CFAP65: variants seen among roughly 807,000 people sequenced by gnomAD.
CFAP65 encodes cilia- and flagella-associated protein 65.
Under a neutral mutation model 208.0 loss-of-function variants are expected in CFAP65, and 155 were observed. The observed-to-expected ratio is 0.75, with a 90% CI of 0.65 to 0.85. The LOEUF (loss-of-function observed/expected upper bound fraction) is 0.85, where lower values mean the gene tolerates loss of function less well. Among genes scored for constraint, CFAP65 ranks in the 40% least tolerant of loss-of-function variants. The pLI is 0.00. For synonymous variants in CFAP65, 970 were observed against 986.3 expected (o/e 0.98, Z 0.31); for missense variants, 2,294 against 2,451.3 (o/e 0.94, Z 1.36).
intron 4 of CFAP65, among the ~76,000 whole-genome samples, chr2:219,036,869 G>T (rs956090730): frequency 6.6e-5 from 10 of 152,160 alleles, no homozygotes; most frequent in Non-Finnish European, 2.9e-5. Flanking sequence ...CTAGGTGCTG[G>T]GACTACAATG....
intron 18 of CFAP65, among the ~76,000 whole-genome samples, 160 bp from the exon 19 acceptor site, chr2:219,021,440 C>A (rs1006511186): frequency 6.6e-6 from 1 of 152,140 alleles, no homozygotes. Flanking sequence ...GTCAGAGGGA[C>A]CACACCTAAC....
chr2:219,006,093 G>C lies in CFAP65; in HGVS notation c.4850C>G (p.Thr1617Ser). 1 of 1,613,608 alleles carries C rather than the reference G, an allele frequency of 6.2e-7. No individual in the cohort carries two copies. The highest frequency in any genetic ancestry group is 2.2e-5 in the East Asian group (1 of 44,874). ...PSPGMLCLGL[T>S]ARAHATDYFL... Reference sequence around the variant, plus strand: ...GTAGTCGGTGGCATGGGCTCGGGCAGTAAGGCCCAGGCAGAGCATGCCTGG... The same window carrying C: ...GTAGTCGGTGGCATGGGCTCGGGCACTAAGGCCCAGGCAGAGCATGCCTGG... Residue 1617 changes from threonine (T) to serine (S), a missense_variant, in exon 31 of 35, where the codon ACT (threonine) becomes AGT (serine). Transcript: ENST00000341552.
At chr2:219,039,762 T>A (rs1026765645) in intron 2 of CFAP65, among the ~76,000 whole-genome samples, 1 of 152,216 alleles carries the variant, frequency 6.6e-6, no homozygotes, top group Non-Finnish European at 1.5e-5. Context: ...TGAAATCTGG[T>A]GTGCATTTTA....
At chr2:219,041,349 G>C (rs1015218257) in intron 1 of CFAP65, 139 bp downstream of exon 1, 1 of 793,544 alleles carries the variant, frequency 1.3e-6, no homozygotes, top group African/African-American at 1.7e-5. Context: ...TCAGTCCCAT[G>C]GGGCTCTCTG....
At chr2:219,038,857 A>G in intron 3 of CFAP65, 39 bp downstream of exon 3, 1 of 1,572,382 alleles carries the variant, frequency 6.4e-7, no homozygotes, top group Non-Finnish European at 8.6e-7. Flanking sequence ...GGCACTGCTC[A>G]GCAAGCTCCA....
intron 16 of CFAP65, 31 bp from the exon 17 acceptor site, chr2:219,022,360 C>A (rs1947323406): frequency 1.3e-6 from 2 of 1,569,614 alleles, no homozygotes; most frequent in East Asian, 4.7e-5. Context: ...CCTGCAGTGG[C>A]CTTCGGAAGC....
rs186082513 is a variant in CFAP65, at chr2:219,032,578, G to A, written c.543-6C>T. The A allele has an allele frequency of 1.9e-5, 30 of 1,586,734 alleles. No homozygotes were observed. The African/African-American group carries it at 3.4e-4, about 18-fold the overall frequency. ...AGAACTTGGTCTTGGGGGGCCTGCA[G>A]GAGAGAGCCGGTGGGGAGCACCTCA... On this transcript the variant is annotated splice_region_variant and splice_polypyrimidine_tract_variant and intron_variant, in intron 5 of 34. Coordinates refer to ENST00000341552, the MANE Select transcript of CFAP65 (RefSeq NM_194302.4). The surrounding 1 kb of genome is among the most constrained non-coding windows in gnomAD (Gnocchi z 5.5).
At position 219,031,464 on chromosome 2, in the gene CFAP65, C is replaced by A. The variant is rs780829461; in HGVS notation, c.815+25G>T. The A allele has an allele frequency of 1.2e-6, 2 of 1,614,094 alleles. No individual in the cohort carries two copies. The highest frequency in any genetic ancestry group is 1.7e-6 in the Non-Finnish European group (2 of 1,179,994). On this transcript the variant is annotated intron_variant, in intron 7 of 34. Transcript: ENST00000341552. This position sits in a 1 kb window ranked among gnomAD's most constrained non-coding sequence, Gnocchi z 5.2. ...CCCTCCTCACAGCTCTTGCTCTCCC[C>A]GCCGCACCTCAGCCTCTTCCTCACC...
chr2:219,038,326 G>A (rs752568614), intron 4 of CFAP65, 49 bp downstream of exon 4: 37 of 1,571,016 alleles, frequency 2.4e-5, no homozygotes, highest in Non-Finnish European at 2.9e-5. Flanking sequence ...CCCATGCCCC[G>A]CCCTGGCCCT....
chr2:219,028,419 G>A lies in CFAP65; in HGVS notation c.1651-18C>T. 6.2e-7 allele frequency: 1 copy of A among 1,610,592 alleles called. No individual in the cohort carries two copies. Among genetic ancestry groups the A allele is most frequent in the Non-Finnish European group, 8.5e-7 (1 of 1,178,548 alleles). On this transcript the variant is annotated intron_variant, in intron 11 of 34. Transcript: ENST00000341552. ...AGTGGGTCCTGTGACATTTGTCTGTGTGTGGTGGGGCATGGGAGGGGTGGT... is the reference window on the plus strand; with the variant it reads ...AGTGGGTCCTGTGACATTTGTCTGTATGTGGTGGGGCATGGGAGGGGTGGT...
chr2:219,007,146 T>TG (rs148459125), intron 29 of CFAP65, among the ~76,000 whole-genome samples: 2,956 of 151,578 alleles, frequency 0.02, 99 homozygotes, highest in African/African-American at 0.068. Flanking sequence ...AAGAGTTTTT[T>TG]TTGTTGTTGT....
intron 4 of CFAP65, among the ~76,000 whole-genome samples, chr2:219,037,427 A>T (rs1948432449): frequency 6.6e-6 from 1 of 152,164 alleles, no homozygotes; most frequent in Non-Finnish European, 1.5e-5. Context: ...CAACAACAAC[A>T]AGGAAATTTA....
In CFAP65 at chr2:219,022,268, C is replaced by T. The variant is rs759634763; in HGVS notation, c.2882G>A (p.Trp961Ter). ...ETKYLFQVGM[W>*]VWEAGLSPNA... is the part of the protein sequence containing the mutation. Reference sequence around the variant, plus strand: ...TGGGGACAGGCCGGCTTCCCAGACCCACATCCCCACTTGGAACAGGTACTT... The same window carrying T: ...TGGGGACAGGCCGGCTTCCCAGACCTACATCCCCACTTGGAACAGGTACTT... Residue 961 changes from tryptophan (W) to a stop codon, truncating the protein, a stop_gained, in exon 17 of 35, where the codon TGG (tryptophan) becomes TAG (stop). Coordinates refer to ENST00000341552, the MANE Select transcript of CFAP65 (RefSeq NM_194302.4). LOFTEE classifies it high-confidence loss of function. The T allele has an allele frequency of 6.2e-7, 1 of 1,608,044 alleles. No homozygotes were observed. The highest frequency in any genetic ancestry group is 8.5e-7 in the Non-Finnish European group (1 of 1,177,456).
chr2:219,006,258 TG>T (rs760434242), intron 30 of CFAP65, 35 bp from the exon 31 acceptor site: 19 of 1,584,038 alleles, frequency 1.2e-5, no homozygotes, highest in Admixed American at 5.1e-5. Flanking sequence ...GACAAGGGTT[TG>T]GGCACCACAT....
chr2:219,007,572 G>A (rs1450328469), intron 29 of CFAP65, among the ~76,000 whole-genome samples: 2 of 152,180 alleles, frequency 1.3e-5, no homozygotes, highest in Admixed American at 1.3e-4. Context: ...CAAGGTGATT[G>A]AGGAGCAAGA....
chr2:219,031,589 G>C lies in CFAP65; in HGVS notation c.715C>G (p.Leu239Val). ...CGGCAGATCAGCCTGTGGCAGGGCA[G>C]GGTGGCCCGTAGGCCGACACAGAAC... ...GMFCVGLRAT[L>V]PCHRLICRPP... is the part of the protein sequence containing the mutation. Residue 239 changes from leucine to valine, a missense_variant, in exon 7 of 35, where the codon CTG (leucine) becomes GTG (valine). Leu to Val is a conservative substitution (Grantham distance 32). This residue lies in a region of CFAP65 where 867 missense variants were observed against 1,012.6 expected (regional missense o/e 0.86). Transcript: ENST00000341552. The surrounding 1 kb of genome is among the most constrained non-coding windows in gnomAD (Gnocchi z 5.2). 9 of 1,614,202 alleles carry C rather than the reference G, an allele frequency of 5.6e-6. No individual in the cohort carries two copies. The highest frequency in any genetic ancestry group is 6.8e-6 in the Non-Finnish European group (8 of 1,180,022).
intron 31 of CFAP65, 98 bp downstream of exon 31, chr2:219,005,923 A>T: frequency 1.6e-6 from 2 of 1,222,144 alleles, no homozygotes; most frequent in Non-Finnish European, 2.3e-6. Context: ...CCCATGCTCC[A>T]CCCCTCACCA....
rs1947106159 is a variant in CFAP65 at position 219,019,187 on chromosome 2, GA to G, written c.3474-9del. 1.2e-6 allele frequency: 2 copies of G among 1,608,484 alleles called. No homozygotes were observed. ...GGGGGGATCTGGCTCATGCTGTGAG[GA>G]ACAGAGAAAGGGGTTCAGAGATGGG... On this transcript the variant is annotated splice_polypyrimidine_tract_variant and intron_variant, in intron 20 of 34. Transcript: ENST00000341552.
chr2:219,023,906 TG>T, intron 15 of CFAP65, 108 bp downstream of exon 15: 1 of 1,323,376 alleles, frequency 7.6e-7, no homozygotes, highest in Non-Finnish European at 1.0e-6. Flanking sequence ...GGAGGAGAAG[TG>T]GCCCCCTGGA....
Sources: allele counts gnomAD v4.1 joint callset (sites outside exome capture counted in the v4.1 genomes callset), GRCh38; gene constraint gnomAD v4.1.1; regional missense constraint gnomAD v4.1.1; non-coding constraint Gnocchi (gnomAD v3.1); transcripts MANE v1.5; gene names NCBI Gene and HGNC (gene_info 2026-07-23, HGNC 2026-07-21).